The following CFLAR variants were observed in gnomAD, a reference collection of about 807,000 sequenced individuals.
CFLAR encodes CASP8 and FADD like apoptosis regulator, also known as CASP8 and FADD-like apoptosis regulator.
A neutral mutation model predicts 51.1 loss-of-function variants in CFLAR; 14 were observed. The ratio of observed to expected loss-of-function variants is 0.27; its 90% CI spans 0.18 to 0.43. CFLAR has a LOEUF of 0.43. Among genes scored for constraint, CFLAR ranks in the 20% least tolerant of loss-of-function variants. The probability of loss-of-function intolerance (pLI) is 1.00; values close to 1 mark genes in which losing one functional copy is unlikely to be tolerated. For synonymous variants in CFLAR, 210 were observed against 211.6 expected (o/e 0.99, Z 0.06); for missense variants, 390 against 566.5 (o/e 0.69, Z 3.16).
At chr2:201,136,384 G>A in intron 4 of CFLAR, 3 of 1,598,440 alleles carry the variant, frequency 1.9e-6, no homozygotes, top group Non-Finnish European at 2.5e-6. Context: ...ATCTGCACAG[G>A]CTGGCAGAGC....
Position 201,138,391 on chromosome 2 carries a change from G to C in CFLAR, c.524-1966G>C. On this transcript the variant is annotated intron_variant, in intron 4 of 9. Transcript: ENST00000309955. The surrounding 1 kb of genome is among the most constrained non-coding windows in gnomAD (Gnocchi z 4.0). Reference sequence around the variant, plus strand: ...AGTCTCGGTTCTTCAGCGCGGTGCAGGTGATAATGGCCACCAGCTCATCGC... The same window carrying C: ...AGTCTCGGTTCTTCAGCGCGGTGCACGTGATAATGGCCACCAGCTCATCGC... The C allele has an allele frequency of 1.3e-6, 1 of 777,800 alleles. No homozygotes were observed. The allele number at this position is 777,800 out of a possible 1,614,324, so 48.2% of individuals were successfully genotyped here. A position where few individuals can be genotyped will look rare whatever the true frequency, so the allele number is the denominator to read the frequency against.
rs1449191616 is a variant in CFLAR, at chr2:201,140,416, A to G, written c.583A>G (p.Lys195Glu). 32 of 1,607,318 alleles carry G rather than the reference A, an allele frequency of 2.0e-5. No homozygotes were observed. The highest frequency in any genetic ancestry group is 2.5e-5 in the Non-Finnish European group (30 of 1,178,182). Residue 195 changes from lysine to glutamate, a missense_variant, in exon 5 of 10, where the codon AAG becomes GAG. Physicochemically the swap from Lys to Glu is moderately conservative, Grantham distance 56. Transcript: ENST00000309955. Reference protein sequence around the residue: ...VLQAAIQKSLKDPSNNFRLHN... With the variant: ...VLQAAIQKSLEDPSNNFRLHN... ...CCAAGCAGCAATCCAAAAGAGTCTCAAGGATCCTTCAAATAACTTCAGGGT... is the reference window on the plus strand; with the variant it reads ...CCAAGCAGCAATCCAAAAGAGTCTCGAGGATCCTTCAAATAACTTCAGGGT...
intron 4 of CFLAR, chr2:201,137,560 C>T (rs762894806): frequency 7.3e-5 from 52 of 711,784 alleles, no homozygotes; most frequent in East Asian, 6.0e-4. Flanking sequence ...TGGATGCCAC[C>T]GTCGATCTGG....
intron 1 of CFLAR, among the ~76,000 whole-genome samples, chr2:201,122,304 C>T (rs2048264133): frequency 6.6e-6 from 1 of 152,240 alleles, no homozygotes; most frequent in African/African-American, 2.4e-5. Flanking sequence ...GCAAGTCACT[C>T]TAAAGCATTA....
rs1026596210 is a variant in CFLAR, at chr2:201,169,639, A to C, written c.*5666A>C. 1 of 152,222 alleles carries C rather than the reference A, an allele frequency of 6.6e-6. No individual in the cohort carries two copies. The highest frequency in any genetic ancestry group is 2.4e-5 in the African/African-American group (1 of 41,456). The allele number at this position is 152,222 out of a possible 1,614,324, so 9.4% of individuals were successfully genotyped here. On this transcript the variant is annotated 3_prime_UTR_variant, in exon 10 of 10. Transcript: ENST00000309955. ...TTAAACTAAAGAGCTCCTGCACAGC[A>C]AAAGAAACTATCATTAGAGTGAACA...
chr2:201,163,146 T>C, intron 9 of CFLAR: 1 of 819,774 alleles, frequency 1.2e-6, no homozygotes, highest in Non-Finnish European at 2.0e-6. Flanking sequence ...CTGCATGCTC[T>C]TATATTTCCT....
Position 201,118,851 on chromosome 2 carries a change from G to A in CFLAR, c.-138+2370G>A, listed in dbSNP as rs529652007. The A allele has an allele frequency of 6.6e-6, 1 of 152,600 alleles. No homozygotes were observed. Among genetic ancestry groups the A allele is most frequent in the South Asian group, 2.1e-4 (1 of 4,836 alleles). 9.5% of individuals were successfully genotyped at this position (152,600 alleles called of 1,614,324 possible). A position where few individuals can be genotyped will look rare whatever the true frequency, so the allele number is the denominator to read the frequency against. ...GGTCTGAGCTTGTCCGGCGAGGGTGGGAGTTGGTCCCGGCGGAGATCCAGT... is the reference window on the plus strand; with the variant it reads ...GGTCTGAGCTTGTCCGGCGAGGGTGAGAGTTGGTCCCGGCGGAGATCCAGT... On this transcript the variant is annotated intron_variant, in intron 1 of 9. Transcript: ENST00000309955. The surrounding 1 kb of genome is among the most constrained non-coding windows in gnomAD (Gnocchi z 5.1).
Position 201,169,930 on chromosome 2 carries a change from T to C in CFLAR, c.*5957T>C, listed in dbSNP as rs1204505615. Reference sequence around the variant, plus strand: ...TACCATCTCATGCCGGTCAGAATGGTGATTATTAAAAAGTCAAAAAACAAC... The same window carrying C: ...TACCATCTCATGCCGGTCAGAATGGCGATTATTAAAAAGTCAAAAAACAAC... On this transcript the variant is annotated 3_prime_UTR_variant, in exon 10 of 10. Transcript: ENST00000309955. 1 of 152,024 alleles carries C rather than the reference T, an allele frequency of 6.6e-6. No individual in the cohort carries two copies. Among genetic ancestry groups the C allele is most frequent in the African/African-American group, 2.4e-5 (1 of 41,406 alleles). The allele number at this position is 152,024 out of a possible 1,614,324, so 9.4% of individuals were successfully genotyped here. A position where few individuals can be genotyped will look rare whatever the true frequency, so the allele number is the denominator to read the frequency against.
rs768793902 is a variant in CFLAR at position 201,176,034 on chromosome 2, G to A, written c.*12061G>A. 6.6e-6 allele frequency: 1 copy of A among 152,382 alleles called. No homozygotes were observed. Among genetic ancestry groups the A allele is most frequent in the Non-Finnish European group, 1.5e-5 (1 of 68,204 alleles). 9.4% of individuals were successfully genotyped at this position (152,382 alleles called of 1,614,324 possible). ...AGGCAGGCGAATCAGTTGAACCTGGGAGGCGGAGGTTGCAGTGAGCCAAGA... is the reference window on the plus strand; with the variant it reads ...AGGCAGGCGAATCAGTTGAACCTGGAAGGCGGAGGTTGCAGTGAGCCAAGA... On this transcript the variant is annotated 3_prime_UTR_variant, in exon 10 of 10. Transcript: ENST00000309955.
At position 201,131,264 on chromosome 2, in the gene CFLAR, T is replaced by C. The variant is rs144164920; in HGVS notation, c.281+1118T>C. On this transcript the variant is annotated intron_variant, in intron 2 of 9. Transcript: ENST00000309955. ...TTTTCTTTTTTTTTTTGAGACAAAGTCTCGCTCTGCAGCCCAGGCTGGAGT... is the reference window on the plus strand; with the variant it reads ...TTTTCTTTTTTTTTTTGAGACAAAGCCTCGCTCTGCAGCCCAGGCTGGAGT... Among the ~76,000 whole-genome samples the C allele has an allele frequency of 8.0e-3, 1,221 of 152,150 alleles. 20 individuals are homozygous for C. The highest frequency in any genetic ancestry group is 0.028 in the African/African-American group (1,156 of 41,494).
intron 5 of CFLAR, chr2:201,141,663 T>G (rs1393259911): frequency 8.1e-7 from 1 of 1,237,136 alleles, no homozygotes; most frequent in African/African-American, 1.6e-5. Flanking sequence ...TGTTATTGAG[T>G]GATGAAACAA....
rs1314439324 is a variant in CFLAR, at chr2:201,118,155, A to G, written c.-138+1674A>G. ...TTCTTGTTTTGTTAATACTTGCTTT[A>G]CTTAAGCTTTTGGGTCAAATGTCCT... On this transcript the variant is annotated intron_variant, in intron 1 of 9. Coordinates refer to ENST00000309955, the MANE Select transcript of CFLAR (RefSeq NM_003879.7). This position sits in a 1 kb window ranked among gnomAD's most constrained non-coding sequence, Gnocchi z 5.1. Among the ~76,000 whole-genome samples, 9 of 152,304 alleles carry G rather than the reference A, an allele frequency of 5.9e-5. No homozygotes were observed. The South Asian group carries it at 1.7e-3, about 28-fold the overall frequency.
rs1386725475 is a variant in CFLAR, at chr2:201,171,753, C to T, written c.*7780C>T. On this transcript the variant is annotated 3_prime_UTR_variant, in exon 10 of 10. Coordinates refer to ENST00000309955, the MANE Select transcript of CFLAR (RefSeq NM_003879.7). Reference sequence around the variant, plus strand: ...TCAGTCAAACATTGGAAGTCTTTCTCTGACTGTCTAGTTGGTATCTTCATT... The same window carrying T: ...TCAGTCAAACATTGGAAGTCTTTCTTTGACTGTCTAGTTGGTATCTTCATT... 6.6e-6 allele frequency: 1 copy of T among 152,096 alleles called. No homozygotes were observed. Among genetic ancestry groups the T allele is most frequent in the African/African-American group, 2.4e-5 (1 of 41,400 alleles). 9.4% of individuals were successfully genotyped at this position (152,096 alleles called of 1,614,324 possible). A position where few individuals can be genotyped will look rare whatever the true frequency, so the allele number is the denominator to read the frequency against.
At chr2:201,136,134 T>C in intron 4 of CFLAR, 27 bp downstream of exon 4, 1 of 1,612,680 alleles carries the variant, frequency 6.2e-7, no homozygotes, top group South Asian at 1.1e-5. Context: ...CTCAGTGGTC[T>C]AGGGGAAGTA....
chr2:201,132,968 C>T, intron 2 of CFLAR, 61 bp from the exon 3 acceptor site: 1 of 1,563,600 alleles, frequency 6.4e-7, no homozygotes, highest in Non-Finnish European at 8.8e-7. Context: ...GAGGCGTGGG[C>T]ACTTGGAGTT....
chr2:201,154,153 G>A (rs1057210681), intron 8 of CFLAR: 19 of 278,100 alleles, frequency 6.8e-5, no homozygotes, highest in Middle Eastern at 1.3e-3. Flanking sequence ...GTGCAATGGC[G>A]CAATCTCAGC....
intron 9 of CFLAR, 28 bp downstream of exon 9, chr2:201,160,970 G>GGAACT: frequency 1.3e-6 from 2 of 1,537,746 alleles, no homozygotes; most frequent in Non-Finnish European, 8.9e-7. Context: ...GGTCAGTTCC[G>GGAACT]GACCACCTGC....
intron 9 of CFLAR, chr2:201,163,093 A>G: frequency 1.3e-6 from 1 of 752,342 alleles, no homozygotes; most frequent in South Asian, 1.4e-5. Flanking sequence ...TGGTCATATC[A>G]GCTTTATAGG....
At chr2:201,136,580 G>T in intron 4 of CFLAR, 1 of 1,451,544 alleles carries the variant, frequency 6.9e-7, no homozygotes, top group Middle Eastern at 2.5e-4. Context: ...TGATAAAAGG[G>T]ACCAGATTCA....
Sources: gnomAD v4.1 joint callset for allele counts (sites outside exome capture counted in the v4.1 genomes callset) on GRCh38, gnomAD v4.1.1 for gene constraint, Gnocchi (gnomAD v3.1) non-coding constraint, MANE v1.5 for transcripts, NCBI Gene and HGNC (gene_info 2026-07-23, HGNC 2026-07-21) for gene names.